Variants in DOCK10 observed in about 807,000 individuals in gnomAD.
DOCK10 encodes dedicator of cytokinesis 10, also known as dedicator of cytokinesis protein 10.
In DOCK10, 145 loss-of-function variants were observed where a neutral mutation model predicts 280.1. The observed-to-expected ratio is 0.52, with a 90% CI of 0.45 to 0.59. The LOEUF is 0.59. DOCK10 is among the 20% of genes least tolerant of loss of function. The pLI is 0.00. For synonymous variants in DOCK10, 915 were observed against 942.2 expected, an observed-to-expected ratio of 0.97 and a Z score of 0.53; for missense variants, 2,368 against 2,651.7, an observed-to-expected ratio of 0.89 and a Z score of 2.35.
intron 1 of DOCK10, among the ~76,000 whole-genome samples, chr2:224,965,378 CA>C (rs1013543490): frequency 2.0e-5 from 3 of 152,180 alleles, no homozygotes; most frequent in African/African-American, 7.2e-5. Context: ...GGCACCCTTT[CA>C]AGGTCAATGT....
chr2:225,041,845 C>G (rs1690435391), intron 1 of DOCK10, among the ~76,000 whole-genome samples: 1 of 152,150 alleles, frequency 6.6e-6, no homozygotes, highest in Non-Finnish European at 1.5e-5. Context: ...GAGGGACGCG[C>G]AGACCTCCGG....
At chr2:224,897,338 T>C (rs13388016) in intron 3 of DOCK10, among the ~76,000 whole-genome samples, 26,764 of 152,160 alleles carry the variant, frequency 0.18, 3,888 homozygotes, top group African/African-American at 0.41. Flanking sequence ...AGGCATGTAA[T>C]GTGTAATAAC....
intron 2 of DOCK10, among the ~76,000 whole-genome samples, chr2:224,921,090 A>AT (rs1701677660): frequency 4.3e-5 from 2 of 46,108 alleles, no homozygotes; most frequent in African/African-American, 3.1e-4. Flanking sequence ...CACCGTCTCT[A>AT]TTAAAAAAAA....
chr2:224,939,816 G>C (rs1422637032), intron 1 of DOCK10, among the ~76,000 whole-genome samples: 1 of 152,146 alleles, frequency 6.6e-6, no homozygotes, highest in African/African-American at 2.4e-5. Context: ...GTCAACAATA[G>C]GCATTTTATA....
At chr2:224,921,752 C>T (rs115436881) in intron 2 of DOCK10, among the ~76,000 whole-genome samples, 1 of 152,128 alleles carries the variant, frequency 6.6e-6, no homozygotes, top group Non-Finnish European at 1.5e-5. Context: ...ATGCCCATAA[C>T]GTGCTATTGA....
chr2:224,776,555 C>T (rs1690877109), intron 51 of DOCK10, among the ~76,000 whole-genome samples: 1 of 151,782 alleles, frequency 6.6e-6, no homozygotes, highest in Non-Finnish European at 1.5e-5. Context: ...ATGATGAACA[C>T]ATTCACAGAA....
At chr2:224,980,722 T>G (rs1705700711) in intron 1 of DOCK10, among the ~76,000 whole-genome samples, 2 of 152,346 alleles carry the variant, frequency 1.3e-5, no homozygotes, top group South Asian at 4.1e-4. Flanking sequence ...GAAAATACAC[T>G]GGCTTTTGGA....
In DOCK10 at chr2:224,796,374, C is replaced by T. The variant is rs766395978; in HGVS notation, c.4880G>A (p.Arg1627Gln). The T allele has an allele frequency of 6.4e-6, 10 of 1,573,958 alleles. No individual in the cohort carries two copies. Among genetic ancestry groups the T allele is most frequent in the Non-Finnish European group, 8.6e-6 (10 of 1,158,406 alleles). The part of the protein sequence containing the change: ...LIADAGIGGS[R>Q]FQHSLAITNN... ...GGTAATTGCAAGCGAATGTTGAAACCGAGAGCCTCCAATCCCAGCATCGGC... is the reference window on the plus strand; with the variant it reads ...GGTAATTGCAAGCGAATGTTGAAACTGAGAGCCTCCAATCCCAGCATCGGC... Residue 1627 changes from arginine to glutamine, a missense_variant, in exon 44 of 56, where the codon CGG becomes CAG. Coordinates refer to ENST00000258390, the MANE Select transcript of DOCK10 (RefSeq NM_014689.3).
intron 1 of DOCK10, among the ~76,000 whole-genome samples, chr2:225,000,814 A>G (rs1706410783): frequency 6.6e-6 from 1 of 152,128 alleles, no homozygotes; most frequent in African/African-American, 2.4e-5. Flanking sequence ...CGTCTGTACT[A>G]AAAATACAAA....
intron 1 of DOCK10, among the ~76,000 whole-genome samples, chr2:224,958,329 G>A (rs186740311): frequency 6.6e-5 from 10 of 152,090 alleles, no homozygotes; most frequent in South Asian, 4.2e-4. Flanking sequence ...GAGGAGCTCC[G>A]GGCACAAAAA....
At chr2:225,013,013 G>T (rs192255127) in intron 1 of DOCK10, among the ~76,000 whole-genome samples, 2 of 152,238 alleles carry the variant, frequency 1.3e-5, no homozygotes, top group Admixed American at 1.3e-4. Context: ...AGAGTGCTTT[G>T]TTATTTCCCT....
intron 4 of DOCK10, among the ~76,000 whole-genome samples, chr2:224,895,006 G>T (rs890425361): frequency 6.6e-6 from 1 of 152,088 alleles, no homozygotes; most frequent in African/African-American, 2.4e-5. Context: ...ATCTTATTAC[G>T]CCCCTTTCAT....
intron 51 of DOCK10, 47 bp from the exon 52 acceptor site, chr2:224,775,162 C>T (rs1464511204): frequency 6.4e-7 from 1 of 1,572,704 alleles, no homozygotes; most frequent in Non-Finnish European, 8.7e-7. Context: ...CCCTGGAGCG[C>T]TCTGAAAGCG....
At chr2:224,974,441 C>A (rs968235238) in intron 1 of DOCK10, among the ~76,000 whole-genome samples, 4 of 151,978 alleles carry the variant, frequency 2.6e-5, no homozygotes, top group African/African-American at 9.7e-5. Context: ...TGAAGGCTGA[C>A]AAAAATACTG....
chr2:224,916,338 C>T (rs889452068), intron 3 of DOCK10, among the ~76,000 whole-genome samples: 3 of 152,162 alleles, frequency 2.0e-5, no homozygotes, highest in Non-Finnish European at 2.9e-5. Context: ...GTCAAGAGTT[C>T]GAGAGCAGCC....
chr2:224,858,075 T>A (rs1697261067), intron 14 of DOCK10, among the ~76,000 whole-genome samples: 6 of 152,220 alleles, frequency 3.9e-5, no homozygotes, highest in Admixed American at 3.9e-4. Context: ...ATATTATTTT[T>A]ATTTAAATAT....
At chr2:224,923,455 A>G (rs2125987075) in intron 2 of DOCK10, among the ~76,000 whole-genome samples, 1 of 152,346 alleles carries the variant, frequency 6.6e-6, no homozygotes, top group East Asian at 1.9e-4. Context: ...GTGAGCATTA[A>G]TAGAAACGAG....
intron 1 of DOCK10, among the ~76,000 whole-genome samples, chr2:225,035,089 A>G (rs1559985188): frequency 1.3e-5 from 2 of 152,192 alleles, no homozygotes; most frequent in Admixed American, 6.5e-5. Flanking sequence ...GTCTTCAAAG[A>G]GAGAAGGGAC....
At chr2:224,971,675 T>C (rs900771912) in intron 1 of DOCK10, among the ~76,000 whole-genome samples, 13 of 152,218 alleles carry the variant, frequency 8.5e-5, no homozygotes, top group African/African-American at 3.1e-4. Context: ...TAAGAATTGA[T>C]TATTTTATCT....
Sources: allele counts gnomAD v4.1 joint callset (sites outside exome capture counted in the v4.1 genomes callset), GRCh38; gene constraint gnomAD v4.1.1; transcripts MANE v1.5; gene names NCBI Gene and HGNC (gene_info 2026-07-23, HGNC 2026-07-21).